ZBBX: variants seen among roughly 807,000 people sequenced by gnomAD.
The protein encoded by ZBBX is zinc finger B-box domain containing, also known as zinc finger B-box domain-containing protein 1.
ZBBX carries 101 observed loss-of-function variants against 108.5 expected under a neutral mutation model. The ratio of observed to expected loss-of-function variants is 0.93; its 90% confidence interval spans 0.79 to 1.10. ZBBX has a LOEUF of 1.10. ZBBX is among the 50% of genes least tolerant of loss of function. The pLI is 0.00. For synonymous variants in ZBBX, 356 were observed against 323.4 expected, an observed-to-expected ratio of 1.10 and a Z score of -1.08; for missense variants, 1,009 against 941.4, an observed-to-expected ratio of 1.07 and a Z score of -0.94.
the ZBBX span, among the ~76,000 whole-genome samples, chr3:167,189,843 C>T: frequency 4.2e-4 from 64 of 152,198 alleles, no homozygotes; most frequent in African/African-American, 1.4e-3. Context: ...TAATGCTCTA[C>T]ATTCAATGGG....
intron 10 of ZBBX, among the ~76,000 whole-genome samples, chr3:167,330,399 C>T (rs545425081): frequency 1.3e-5 from 2 of 151,986 alleles, no homozygotes; most frequent in Admixed American, 1.3e-4. Context: ...ACCAAACATT[C>T]AAGAGTTTTT....
At chr3:167,320,859 C>A (rs1035341946) in intron 12 of ZBBX, among the ~76,000 whole-genome samples, 7 of 151,906 alleles carry the variant, frequency 4.6e-5, no homozygotes, top group Admixed American at 2.0e-4. Context: ...CTATGAAACA[C>A]CTGGCAAGTA....
chr3:167,308,099 AC>A (rs1733978082), intron 16 of ZBBX, among the ~76,000 whole-genome samples: 1 of 152,338 alleles, frequency 6.6e-6, no homozygotes, highest in East Asian at 1.9e-4. Flanking sequence ...TCTATAAGGA[AC>A]TTAAAGAAAT....
chr3:167,269,173 T>C (rs1726104736), intron 20 of ZBBX, among the ~76,000 whole-genome samples: 1 of 152,182 alleles, frequency 6.6e-6, no homozygotes, highest in African/African-American at 2.4e-5. Context: ...TTGATACATT[T>C]AGAAGTGGGA....
Position 167,332,078 on chromosome 3 carries a change from T to G in ZBBX, c.687+1749A>C, listed in dbSNP as rs112592874. 6.2e-3 allele frequency among the ~76,000 whole-genome samples: 947 copies of G among 152,228 alleles called. 7 individuals carry two copies. The highest frequency in any genetic ancestry group is 0.02 in the African/African-American group (845 of 41,540). ...TGTAAATATTTTTAAAAATCCAAAT[T>G]TGGTGGCAGACCCAGGAATGCAAGT... On this transcript the variant is annotated intron_variant, in intron 10 of 21. Transcript: ENST00000675490.
intron 19 of ZBBX, among the ~76,000 whole-genome samples, chr3:167,285,866 A>G (rs944785158): frequency 3.3e-5 from 5 of 152,098 alleles, no homozygotes; most frequent in Non-Finnish European, 7.4e-5. Flanking sequence ...GAGCACTTAC[A>G]ATAGGCCAGG....
intron 20 of ZBBX, among the ~76,000 whole-genome samples, chr3:167,259,920 A>G (rs1456482676): frequency 6.6e-6 from 1 of 151,972 alleles, no homozygotes; most frequent in African/African-American, 2.4e-5. Context: ...TTTTTGTTTT[A>G]TAAGTCCTGT....
chr3:167,326,672 G>A (rs1008338724), intron 11 of ZBBX, among the ~76,000 whole-genome samples: 1 of 151,864 alleles, frequency 6.6e-6, no homozygotes, highest in East Asian at 1.9e-4. Context: ...AAATAACACA[G>A]CCAATGAGAA....
intron 20 of ZBBX, among the ~76,000 whole-genome samples, chr3:167,243,748 C>CTTTTTTTT (rs148483655): frequency 1.3e-4 from 9 of 70,872 alleles, no homozygotes; most frequent in Non-Finnish European, 2.3e-4. Context: ...GTGGACTTGA[C>CTTTTTTTT]TTTTTTTTTT....
At chr3:167,386,726 A>T (rs1022307820) in intron 1 of ZBBX, among the ~76,000 whole-genome samples, 1 of 152,078 alleles carries the variant, frequency 6.6e-6, no homozygotes, top group Non-Finnish European at 1.5e-5. Context: ...ATTTCAGAGA[A>T]AAAGTCATTT....
chr3:167,326,858 A>G (rs1577006994), intron 11 of ZBBX, among the ~76,000 whole-genome samples: 1 of 152,058 alleles, frequency 6.6e-6, no homozygotes, highest in East Asian at 1.9e-4. Flanking sequence ...TAGAAATTAC[A>G]CTGTGTAATA....
the ZBBX span, among the ~76,000 whole-genome samples, chr3:167,192,331 C>T: frequency 2.0e-5 from 3 of 152,060 alleles, no homozygotes; most frequent in African/African-American, 7.2e-5. Flanking sequence ...ATTCTCTCAA[C>T]TTTTGTTTGT....
the ZBBX span, among the ~76,000 whole-genome samples, chr3:167,196,800 C>A: frequency 0.012 from 1,748 of 151,938 alleles, 32 homozygotes; most frequent in African/African-American, 0.04. Context: ...TTATTTAAAG[C>A]ATAAAGAAGT....
intron 20 of ZBBX, among the ~76,000 whole-genome samples, chr3:167,279,379 G>C (rs200681429): frequency 1.3e-5 from 2 of 151,884 alleles, no homozygotes; most frequent in African/African-American, 4.8e-5. Context: ...TCCTTAAGCT[G>C]ATAAGCAACT....
intron 4 of ZBBX, among the ~76,000 whole-genome samples, chr3:167,371,844 T>A (rs1746206407): frequency 6.6e-6 from 1 of 152,114 alleles, no homozygotes; most frequent in African/African-American, 2.4e-5. Context: ...GAAGAGAGCA[T>A]TAGAATAGCT....
chr3:167,224,929 A>T, the ZBBX span, among the ~76,000 whole-genome samples: 2 of 151,786 alleles, frequency 1.3e-5, no homozygotes, highest in Non-Finnish European at 2.9e-5. Flanking sequence ...CCTCCACAGA[A>T]TTTACATTTT....
At chr3:167,367,340 G>GT (rs1347202395) in intron 5 of ZBBX, among the ~76,000 whole-genome samples, 6 of 151,844 alleles carry the variant, frequency 4.0e-5, no homozygotes, top group Non-Finnish European at 7.4e-5. Flanking sequence ...CTTTGCATAT[G>GT]TAAGCGAAAA....
At chr3:167,405,935 A>AG (rs1748569334) in intron 1 of ZBBX, among the ~76,000 whole-genome samples, 1 of 152,004 alleles carries the variant, frequency 6.6e-6, no homozygotes, top group South Asian at 2.1e-4. Flanking sequence ...GGGTGGTGGC[A>AG]GGTGCCTGTA....
In ZBBX at chr3:167,324,985, G is replaced by A. The variant is rs140522337; in HGVS notation, c.863-2748C>T. 1.1e-3 allele frequency among the ~76,000 whole-genome samples: 170 copies of A among 152,098 alleles called. 2 individuals are homozygous for A. In the East Asian group the frequency reaches 0.011, roughly 10 times the overall value. ...AGTCCAGTTTTCAATTAACCAACCC[G>A]CCCAATTGTTACTGCCATTCCTGAA... On this transcript the variant is annotated intron_variant, in intron 11 of 21. Transcript: ENST00000675490.
Sources: gnomAD v4.1 joint callset for allele counts (sites outside exome capture counted in the v4.1 genomes callset) on GRCh38, gnomAD v4.1.1 for gene constraint, MANE v1.5 for transcripts, NCBI Gene and HGNC (gene_info 2026-07-23, HGNC 2026-07-21) for gene names.